DRC9: variants seen among roughly 807,000 people sequenced by gnomAD.
DRC9 encodes the protein dynein regulatory complex protein 9.
chr3:197,912,190 C>T, the DRC9 span, among the ~76,000 whole-genome samples: 2 of 152,024 alleles, frequency 1.3e-5, no homozygotes, highest in Non-Finnish European at 1.5e-5. Context: ...ACAGGCGCAC[C>T]ACCATGCCCG....
chr3:197,943,762 G>C, the DRC9 span: 3 of 1,599,720 alleles, frequency 1.9e-6, no homozygotes, highest in South Asian at 2.2e-5. Context: ...TTAACTCATG[G>C]TGAGTGGGTC....
the DRC9 span, among the ~76,000 whole-genome samples, chr3:197,915,908 C>T: frequency 1.1e-4 from 17 of 152,304 alleles, no homozygotes; most frequent in Middle Eastern, 3.4e-3. Context: ...GGATTACAGG[C>T]GTGAGCCACC....
the DRC9 span, chr3:197,960,133 G>A: frequency 1.8e-6 from 2 of 1,131,168 alleles, no homozygotes; most frequent in African/African-American, 3.1e-5. Flanking sequence ...CTGTCCAATC[G>A]GAAAGCGCCT....
At chr3:197,927,858 C>T in the DRC9 span, among the ~76,000 whole-genome samples, 1 of 145,066 alleles carries the variant, frequency 6.9e-6, no homozygotes, top group Non-Finnish European at 1.5e-5. Context: ...GTCACAAGGA[C>T]AGAAAACCAA....
chr3:197,892,596 G>C, the DRC9 span: 60 of 1,604,864 alleles, frequency 3.7e-5, no homozygotes, highest in East Asian at 1.1e-3. Flanking sequence ...CTTTCACTCT[G>C]TCCTCAGTGA....
chr3:197,889,330 A>C, the DRC9 span: 4 of 517,262 alleles, frequency 7.7e-6, no homozygotes, highest in African/African-American at 7.6e-5. Context: ...TCACAGGACT[A>C]CTAGAAACTT....
chr3:197,954,626 C>G, the DRC9 span, among the ~76,000 whole-genome samples: 1 of 152,176 alleles, frequency 6.6e-6, no homozygotes, highest in Non-Finnish European at 1.5e-5. Context: ...TCTTGTGCCT[C>G]AGCCTCCCGA....
chr3:197,924,622 C>T, the DRC9 span, among the ~76,000 whole-genome samples: 1 of 152,054 alleles, frequency 6.6e-6, no homozygotes, highest in African/African-American at 2.4e-5. Flanking sequence ...CAGGTTCAAG[C>T]GATTCTCCTG....
the DRC9 span, chr3:197,891,456 C>T: frequency 6.4e-7 from 1 of 1,572,480 alleles, no homozygotes; most frequent in Non-Finnish European, 8.8e-7. Flanking sequence ...CTTTATAACG[C>T]TCTTTAATTC....
At chr3:197,924,371 C>T in the DRC9 span, among the ~76,000 whole-genome samples, 140 of 151,708 alleles carry the variant, frequency 9.2e-4, no homozygotes, top group Non-Finnish European at 1.5e-3. Context: ...CCATCTCACT[C>T]CACCAAAAAA....
At chr3:197,954,746 G>A in the DRC9 span, among the ~76,000 whole-genome samples, 6 of 152,128 alleles carry the variant, frequency 3.9e-5, no homozygotes, top group African/African-American at 1.2e-4. Context: ...GAGCCCAAGT[G>A]ATCTGCCCAC....
the DRC9 span, chr3:197,943,625 C>T: frequency 2.5e-4 from 178 of 705,086 alleles, 3 homozygotes; most frequent in South Asian, 1.4e-3. Context: ...GGCCACAGAG[C>T]GAGACCCTGT....
chr3:197,952,238 C>T, the DRC9 span, among the ~76,000 whole-genome samples: 227 of 121,700 alleles, frequency 1.9e-3, no homozygotes, highest in African/African-American at 5.7e-3. Context: ...AGCACAATAT[C>T]GGCTCACCGC....
chr3:197,943,787 GCT>G, the DRC9 span: 1 of 1,614,088 alleles, frequency 6.2e-7, no homozygotes. Context: ...CCACGCAGAT[GCT>G]CTGTCTCCCT....
At chr3:197,901,454 G>A in the DRC9 span, among the ~76,000 whole-genome samples, 10 of 152,314 alleles carry the variant, frequency 6.6e-5, no homozygotes, top group South Asian at 2.1e-3. The surrounding 1 kb of genome is among the most constrained non-coding windows in gnomAD (Gnocchi z 4.4). Context: ...CTTGACTCTT[G>A]GATGGCATTT....
chr3:197,891,495 C>T, the DRC9 span: 15 of 1,606,876 alleles, frequency 9.3e-6, no homozygotes, highest in Non-Finnish European at 1.3e-5. Context: ...CTTCTTCTTG[C>T]TCCTCTCCTT....
the DRC9 span, among the ~76,000 whole-genome samples, chr3:197,945,428 A>T: frequency 2.0e-5 from 3 of 152,214 alleles, no homozygotes; most frequent in Non-Finnish European, 4.4e-5. Context: ...ACCTCAAGCC[A>T]GCACCATCCA....
the DRC9 span, among the ~76,000 whole-genome samples, chr3:197,954,858 G>T: frequency 1.3e-5 from 2 of 152,148 alleles, no homozygotes; most frequent in African/African-American, 4.8e-5. Flanking sequence ...TGAAGTAATT[G>T]TTAGAAAGCA....
the DRC9 span, among the ~76,000 whole-genome samples, chr3:197,905,794 T>C: frequency 6.6e-6 from 1 of 152,034 alleles, no homozygotes; most frequent in African/African-American, 2.4e-5. Context: ...TCCCAAGAAT[T>C]TGAAGATGAC....
Sources: allele counts gnomAD v4.1 joint callset (sites outside exome capture counted in the v4.1 genomes callset), GRCh38; gene constraint gnomAD v4.1.1; non-coding constraint Gnocchi (gnomAD v3.1); transcripts MANE v1.5; gene names NCBI Gene and HGNC (gene_info 2026-07-23, HGNC 2026-07-21).